Variants in L2HGDH observed in about 807,000 individuals in gnomAD.
L2HGDH encodes L-2-hydroxyglutarate dehydrogenase, mitochondrial.
Under a neutral mutation model 51.5 loss-of-function variants are expected in L2HGDH, and 34 were observed. The ratio of observed to expected loss-of-function variants is 0.66; its 90% CI spans 0.50 to 0.88. The LOEUF (loss-of-function observed/expected upper bound fraction) is 0.88. Among genes scored for constraint, L2HGDH ranks in the 40% least tolerant of loss-of-function variants. The pLI, the probability that L2HGDH is intolerant of heterozygous loss-of-function variation, is 0.00. For missense variants in L2HGDH, 558 were observed against 571.9 expected (o/e 0.98, Z 0.25); for synonymous variants, 198 against 197.9 (o/e 1.00, Z -0.01).
At chr14:50,294,999 ATAAT>A (rs1410872496) in intron 3 of L2HGDH, among the ~76,000 whole-genome samples, 2 of 152,234 alleles carry the variant, frequency 1.3e-5, no homozygotes, top group Non-Finnish European at 2.9e-5. Flanking sequence ...AAATCAATAA[ATAAT>A]TAACCTTAAA....
intron 9 of L2HGDH, among the ~76,000 whole-genome samples, chr14:50,255,292 C>T (rs72683914): frequency 0.16 from 24,667 of 151,646 alleles, 2,513 homozygotes; most frequent in African/African-American, 0.28. Context: ...CCCAGAACTT[C>T]GAGAGGCCAA....
At chr14:50,309,195 T>G (rs1336572887) in intron 1 of L2HGDH, among the ~76,000 whole-genome samples, 3 of 152,258 alleles carry the variant, frequency 2.0e-5, no homozygotes, top group Non-Finnish European at 2.9e-5. Flanking sequence ...TTAGAGATCA[T>G]GCTTTTGATG....
In L2HGDH at chr14:50,270,020, C is replaced by T. The variant is rs377579492; in HGVS notation, c.739-690G>A. Among the ~76,000 whole-genome samples, 35 of 152,274 alleles carry T rather than the reference C, an allele frequency of 2.3e-4. 1 individual carries two copies. The East Asian group carries it at 4.8e-3, about 21-fold the overall frequency. On this transcript the variant is annotated intron_variant, in intron 6 of 9. Coordinates refer to ENST00000267436, the MANE Select transcript of L2HGDH (RefSeq NM_024884.3). The stretch of plus-strand genomic sequence containing the variant: ...TCTGAGCAATTACCGTGTTACTCTT[C>T]GGTTGCTTCACACTCAATAATCCTG...
rs749417245 is a variant in L2HGDH, at chr14:50,278,515, T to G, written c.738+5A>C. 66 of 1,488,466 alleles carry G rather than the reference T, an allele frequency of 4.4e-5. No individual in the cohort carries two copies. The highest frequency in any genetic ancestry group is 6.1e-5 in the Non-Finnish European group (65 of 1,072,400). 92.2% of individuals were successfully genotyped at this position (1,488,466 alleles called of 1,614,324 possible). On this transcript the variant is annotated splice_donor_5th_base_variant and intron_variant, in intron 6 of 9. Transcript: ENST00000267436. ...TAGCCAGCAGTTTTGCTTAAGAATCTTTACCTTTGTATTCTTTATAACAAT... is the reference window on the plus strand; with the variant it reads ...TAGCCAGCAGTTTTGCTTAAGAATCGTTACCTTTGTATTCTTTATAACAAT...
intron 9 of L2HGDH, among the ~76,000 whole-genome samples, chr14:50,250,786 A>G (rs553266021): frequency 1.3e-5 from 2 of 152,368 alleles, no homozygotes; most frequent in South Asian, 4.1e-4. Flanking sequence ...ATTCTTCTGG[A>G]TCTTATCCAA....
intron 4 of L2HGDH, among the ~76,000 whole-genome samples, chr14:50,284,315 T>C (rs1163465021): frequency 2.0e-5 from 3 of 152,238 alleles, no homozygotes; most frequent in African/African-American, 4.8e-5. Flanking sequence ...ATGTTGTCCA[T>C]ACTTAGTAAG....
At position 50,272,840 on chromosome 14, in the gene L2HGDH, T is replaced by C. The variant is rs553909612; in HGVS notation, c.739-3510A>G. Among the ~76,000 whole-genome samples the C allele has an allele frequency of 2.1e-4, 32 of 152,282 alleles. No homozygotes were observed. The South Asian group carries it at 5.2e-3, about 25-fold the overall frequency. On this transcript the variant is annotated intron_variant, in intron 6 of 9. Coordinates refer to ENST00000267436, the MANE Select transcript of L2HGDH (RefSeq NM_024884.3). Reference sequence around the variant, plus strand: ...CCTCCTTCCTATCAACCTGCCTCTATAGACCCATGGGGAGTTCTCTATGAC... The same window carrying C: ...CCTCCTTCCTATCAACCTGCCTCTACAGACCCATGGGGAGTTCTCTATGAC...
rs753721176 is a variant in L2HGDH, at chr14:50,302,929, C to G, written c.229G>C (p.Gly77Arg). Residue 77 changes from glycine to arginine, a missense_variant, in exon 2 of 10, where the codon GGT becomes CGT. By Grantham distance (125) the Gly-to-Arg change is moderately radical. Around this residue, in one of 3 missense-constraint regions of L2HGDH, gnomAD observed 194 missense variants for 187.2 expected, o/e 1.04. Transcript: ENST00000267436. ...AAATCTTTCTCCTTTTCCAGAACACCAATAGAAAGTGATGGATGTCGCAGG... is the reference window on the plus strand; with the variant it reads ...AAATCTTTCTCCTTTTCCAGAACACGAATAGAAAGTGATGGATGTCGCAGG... ...LILRHPSLSI[G>R]VLEKEKDLAV... The G allele has an allele frequency of 3.1e-6, 5 of 1,613,550 alleles. No homozygotes were observed. Among genetic ancestry groups the G allele is most frequent in the Non-Finnish European group, 4.2e-6 (5 of 1,179,564 alleles).
rs1267788901 is a variant in L2HGDH at position 50,311,246 on chromosome 14, G to T, written c.140+765C>A. ...AAACCCTTTTAAATAGCTTCCCGTGGCTCTTAGAATAAAAGTCAACGTGTG... is the reference window on the plus strand; with the variant it reads ...AAACCCTTTTAAATAGCTTCCCGTGTCTCTTAGAATAAAAGTCAACGTGTG... On this transcript the variant is annotated intron_variant, in intron 1 of 9. Transcript: ENST00000267436. 6.9e-6 allele frequency: 3 copies of T among 431,912 alleles called. No individual in the cohort carries two copies. The Admixed American group carries it at 7.9e-5, about 11-fold the overall frequency. The allele number at this position is 431,912 out of a possible 1,614,324, so 26.8% of individuals were successfully genotyped here.
intron 9 of L2HGDH, among the ~76,000 whole-genome samples, chr14:50,260,196 C>G (rs747844756): frequency 3.3e-5 from 5 of 151,514 alleles, no homozygotes; most frequent in Non-Finnish European, 7.4e-5. Context: ...TTCCTTAATA[C>G]TTCCCAGTGC....
intron 1 of L2HGDH, among the ~76,000 whole-genome samples, chr14:50,310,936 C>CTTTTTTTTTTTTTTTTTTTTTTTT (rs34399906): frequency 7.3e-5 from 6 of 82,242 alleles, no homozygotes; most frequent in Admixed American, 1.7e-4. Context: ...CTTTTCTTTT[C>CTTTTTTTTTTTTTTTTTTTTTTTT]TTTTTTTTTT....
chr14:50,271,044 G>A (rs1474361032), intron 6 of L2HGDH, among the ~76,000 whole-genome samples: 3 of 152,148 alleles, frequency 2.0e-5, no homozygotes, highest in African/African-American at 4.8e-5. Context: ...CCAGGCTGGA[G>A]TGCGATGGCG....
chr14:50,274,039 T>C (rs1889837154), intron 6 of L2HGDH, among the ~76,000 whole-genome samples: 2 of 151,974 alleles, frequency 1.3e-5, no homozygotes, highest in Admixed American at 6.6e-5. Context: ...GATCGCGCTA[T>C]TGCACTCCAG....
chr14:50,269,322 TTCCTC>T lies in L2HGDH; in HGVS notation c.742_746del (p.Glu248AsnfsTer26). ...ATGTCACAACATACTGACATCGAAT[TTCCTC>T]TCCCTAGTGCAAAATAAAAGAACAG... On this transcript the variant is annotated frameshift_variant, in exon 7 of 10. Transcript: ENST00000267436. LOFTEE classifies it high-confidence loss of function. 6.2e-7 allele frequency: 1 copy of T among 1,613,992 alleles called. No individual in the cohort carries two copies. The highest frequency in any genetic ancestry group is 8.5e-7 in the Non-Finnish European group (1 of 1,179,942).
At chr14:50,285,862 T>G (rs1890537418) in intron 4 of L2HGDH, among the ~76,000 whole-genome samples, 1 of 152,208 alleles carries the variant, frequency 6.6e-6, no homozygotes, top group Non-Finnish European at 1.5e-5. Context: ...TTCTTTTCTT[T>G]CTCTTTCTAG....
chr14:50,259,964 AAAG>A (rs1297215380), intron 9 of L2HGDH, among the ~76,000 whole-genome samples: 4 of 147,480 alleles, frequency 2.7e-5, no homozygotes, highest in Non-Finnish European at 4.5e-5. Flanking sequence ...AGGGAGGGAG[AAAG>A]AAGGAGAGAG....
Position 50,278,519 on chromosome 14 carries a change from C to A in L2HGDH, c.738+1G>T. 1.3e-6 allele frequency: 2 copies of A among 1,491,038 alleles called. No individual in the cohort carries two copies. Among genetic ancestry groups the A allele is most frequent in the Non-Finnish European group, 1.9e-6 (2 of 1,075,348 alleles). 92.4% of individuals were successfully genotyped at this position (1,491,038 alleles called of 1,614,324 possible). A position where few individuals can be genotyped will look rare whatever the true frequency, so the allele number is the denominator to read the frequency against. On this transcript the variant is annotated splice_donor_variant, in intron 6 of 9. Transcript: ENST00000267436. LOFTEE classifies it high-confidence loss of function. ...CAGCAGTTTTGCTTAAGAATCTTTA[C>A]CTTTGTATTCTTTATAACAATTGGA...
Position 50,269,321 on chromosome 14 carries a change from T to C in L2HGDH, c.748A>G (p.Ile250Val). 1 of 1,614,010 alleles carries C rather than the reference T, an allele frequency of 6.2e-7. No homozygotes were observed. The change falls in exon 7 of 10, where the codon ATT becomes GTT. Residue 250 changes from isoleucine to valine, a missense_variant. Ile to Val is a conservative substitution (Grantham distance 29, BLOSUM62 3). This residue lies in a region of L2HGDH where 321 missense variants were observed against 311.8 expected (regional missense o/e 1.03). Transcript: ENST00000267436. ...CATGTCACAACATACTGACATCGAA[T>C]TTCCTCTCCCTAGTGCAAAATAAAA... ...IVIKNTKGEE[I>V]RCQYVVTCAG...
Position 50,273,066 on chromosome 14 carries a change from A to T in L2HGDH, c.739-3736T>A, listed in dbSNP as rs1889788894. On this transcript the variant is annotated intron_variant, in intron 6 of 9. Transcript: ENST00000267436. ...TGTTCATCTTACTTTAGAAGGACTGATGGCCAAAGATATGGATCTACACTG... is the reference window on the plus strand; with the variant it reads ...TGTTCATCTTACTTTAGAAGGACTGTTGGCCAAAGATATGGATCTACACTG... Among the ~76,000 whole-genome samples, 6 of 133,618 alleles carry T rather than the reference A, an allele frequency of 4.5e-5. No homozygotes were observed. The South Asian group carries it at 1.5e-3, about 32-fold the overall frequency. The allele number at this position is 133,618 out of a possible 152,430, so 87.7% of individuals were successfully genotyped here.
Sources: gnomAD v4.1 joint callset for allele counts (sites outside exome capture counted in the v4.1 genomes callset) on GRCh38, gnomAD v4.1.1 for gene constraint, gnomAD v4.1.1 regional missense constraint, MANE v1.5 for transcripts, NCBI Gene and HGNC (gene_info 2026-07-23, HGNC 2026-07-21) for gene names.